DAGLB: variants seen among roughly 807,000 people sequenced by gnomAD.
DAGLB encodes diacylglycerol lipase-beta.
Under a neutral mutation model 72.1 loss-of-function variants are expected in DAGLB, and 66 were observed. That is an observed-to-expected ratio of 0.92 (90% confidence interval 0.75 to 1.12). DAGLB has a LOEUF of 1.12. Ranked by LOEUF, DAGLB falls within the 50% of genes most tolerant of loss-of-function variation. The pLI is 0.00. For missense variants in DAGLB, 1,065 were observed against 884.9 expected (o/e 1.20, Z -2.58); for synonymous variants, 414 against 359.5 (o/e 1.15, Z -1.71).
intron 11 of DAGLB, among the ~76,000 whole-genome samples, chr7:6,414,151 C>T (rs1206469133): frequency 6.6e-6 from 1 of 151,976 alleles, no homozygotes; most frequent in Non-Finnish European, 1.5e-5. Flanking sequence ...GCTGGGACTA[C>T]AGGCGCCCAC....
intron 4 of DAGLB, among the ~76,000 whole-genome samples, chr7:6,433,437 G>C (rs1205577070): frequency 1.3e-5 from 2 of 152,106 alleles, no homozygotes; most frequent in African/African-American, 2.4e-5. Flanking sequence ...CCCCAAGCTG[G>C]GAAAGCAACA....
chr7:6,412,685 G>T (rs1783767481), intron 13 of DAGLB, 126 bp downstream of exon 13: 3 of 1,079,100 alleles, frequency 2.8e-6, no homozygotes, highest in Non-Finnish European at 4.1e-6. Flanking sequence ...TCAGATGGTG[G>T]AAGGAGAACT....
chr7:6,440,516 G>C (rs1410354703), intron 2 of DAGLB, among the ~76,000 whole-genome samples: 2 of 152,182 alleles, frequency 1.3e-5, no homozygotes, highest in East Asian at 3.8e-4. Flanking sequence ...TCAGAGAGGA[G>C]TATCAGCCAA....
At chr7:6,434,660 C>G (rs1784597017) in intron 4 of DAGLB, 102 bp downstream of exon 4, 1 of 1,557,816 alleles carries the variant, frequency 6.4e-7, no homozygotes, top group Non-Finnish European at 8.7e-7. Context: ...CCCAAAGACA[C>G]CAGGTTCTCA....
chr7:6,432,140 C>G (rs1784504645), intron 5 of DAGLB, among the ~76,000 whole-genome samples: 1 of 151,584 alleles, frequency 6.6e-6, no homozygotes, highest in South Asian at 2.1e-4. Flanking sequence ...TACCTGAGGT[C>G]ATGAGTTTGA....
chr7:6,419,429 G>A (rs1386361132), intron 9 of DAGLB, among the ~76,000 whole-genome samples: 2 of 152,204 alleles, frequency 1.3e-5, no homozygotes, highest in African/African-American at 4.8e-5. Context: ...CCAGCAGGAC[G>A]TGGACTAAGC....
chr7:6,433,007 C>A (rs758095982), intron 4 of DAGLB, 48 bp from the exon 5 acceptor site: 1 of 1,583,842 alleles, frequency 6.3e-7, no homozygotes, highest in Admixed American at 1.8e-5. Context: ...GCAGGCACCA[C>A]CCCCGGGTTC....
intron 8 of DAGLB, among the ~76,000 whole-genome samples, chr7:6,424,035 G>C (rs990305057): frequency 4.0e-5 from 6 of 151,478 alleles, no homozygotes; most frequent in African/African-American, 1.5e-4. Context: ...CTGGACTTAG[G>C]GGGGCTACCC....
intron 9 of DAGLB, among the ~76,000 whole-genome samples, chr7:6,420,211 G>A (rs1349895538): frequency 2.6e-5 from 4 of 152,072 alleles, no homozygotes; most frequent in Admixed American, 1.3e-4. Context: ...GGAGGCTGAG[G>A]TGGGTGGATC....
At chr7:6,424,866 A>G (rs762537046) in intron 7 of DAGLB, 31 bp from the exon 8 acceptor site, 2 of 1,609,082 alleles carry the variant, frequency 1.2e-6, no homozygotes, top group African/African-American at 2.7e-5. Flanking sequence ...CATGGGGCCT[A>G]AACAGTGAAC....
intron 6 of DAGLB, among the ~76,000 whole-genome samples, 198 bp downstream of exon 6, chr7:6,430,282 T>TATATATATATATATA (rs1583294090): frequency 9.5e-6 from 1 of 105,798 alleles, no homozygotes; most frequent in African/African-American, 3.7e-5. Context: ...TATATATATA[T>TATATATATATATATA]GCAGGGGGGA....
At chr7:6,426,566 G>C (rs1784317330) in intron 6 of DAGLB, among the ~76,000 whole-genome samples, 1 of 152,132 alleles carries the variant, frequency 6.6e-6, no homozygotes, top group Non-Finnish European at 1.5e-5. Context: ...CACTGCACTG[G>C]GCCCGGAATG....
rs752974552 is a variant in DAGLB, at chr7:6,434,864, C to A, written c.576G>T (p.Val192=). The A allele has an allele frequency of 2.5e-6, 4 of 1,614,210 alleles. No homozygotes were observed. Among genetic ancestry groups the A allele is most frequent in the Non-Finnish European group, 3.4e-6 (4 of 1,180,046 alleles). The change falls in exon 4 of 15, where the codon GTG becomes GTT. Residue 192 remains valine (V), a synonymous_variant. Coordinates refer to ENST00000297056, the MANE Select transcript of DAGLB (RefSeq NM_139179.4). ...ACAAGAGCTTGATTCTGGTTTCCCA[C>A]ACGCTTGTAGCTGCTGTCTTGAGGC... ...LNGLKTAATS[V]WETRIKLLCC...
intron 5 of DAGLB, among the ~76,000 whole-genome samples, chr7:6,431,362 A>AG (rs1024577502): frequency 2.0e-4 from 30 of 152,286 alleles, no homozygotes; most frequent in African/African-American, 7.0e-4. Flanking sequence ...TTCTGCCCCC[A>AG]GCCCCAGAGA....
At chr7:6,418,684 AG>A (rs1784000318) in intron 9 of DAGLB, among the ~76,000 whole-genome samples, 1 of 140,358 alleles carries the variant, frequency 7.1e-6, no homozygotes, top group Non-Finnish European at 1.5e-5. Context: ...TTTTTTTTTG[AG>A]ACAGAGTCTC....
chr7:6,434,202 G>C (rs923236517), intron 4 of DAGLB, among the ~76,000 whole-genome samples: 5 of 150,810 alleles, frequency 3.3e-5, no homozygotes, highest in African/African-American at 9.8e-5. Flanking sequence ...GCATTTAGCA[G>C]AGAATGTCAT....
chr7:6,421,954 A>G (rs1188019789), intron 8 of DAGLB, 150 bp from the exon 9 acceptor site: 1 of 867,928 alleles, frequency 1.2e-6, no homozygotes, highest in East Asian at 2.7e-5. Context: ...CCTAAACTAA[A>G]GAGGGAAACC....
chr7:6,426,264 C>T, intron 6 of DAGLB, 150 bp from the exon 7 acceptor site: 1 of 1,140,116 alleles, frequency 8.8e-7, no homozygotes, highest in South Asian at 1.5e-5. Context: ...CTTTTTAAAA[C>T]TTAATTTGAT....
intron 6 of DAGLB, among the ~76,000 whole-genome samples, chr7:6,428,766 C>T (rs1260799103): frequency 6.6e-6 from 1 of 152,082 alleles, no homozygotes; most frequent in African/African-American, 2.4e-5. Context: ...GGATTATAGG[C>T]ATGAGCCACT....
Sources: allele counts gnomAD v4.1 joint callset (sites outside exome capture counted in the v4.1 genomes callset), GRCh38; gene constraint gnomAD v4.1.1; transcripts MANE v1.5; gene names NCBI Gene and HGNC (gene_info 2026-07-23, HGNC 2026-07-21).